MLLT3: variants seen among roughly 807,000 people sequenced by gnomAD.
The protein encoded by MLLT3 is MLLT3 super elongation complex subunit, also known as protein AF-9.
Under a neutral mutation model 53.2 loss-of-function variants are expected in MLLT3, and 4 were observed. That is an observed-to-expected ratio of 0.08 (90% CI 0.04 to 0.17). The LOEUF (loss-of-function observed/expected upper bound fraction) is 0.17. MLLT3 is among the 10% of genes least tolerant of loss of function. MLLT3 has a pLI of 1.00. For missense variants in MLLT3, 569 were observed against 684.0 expected (o/e 0.83, Z 1.87); for synonymous variants, 283 against 230.6 (o/e 1.23, Z -2.06).
chr9:20,476,481 G>C (rs1028700661), intron 2 of MLLT3, among the ~76,000 whole-genome samples: 1 of 152,040 alleles, frequency 6.6e-6, no homozygotes, highest in Non-Finnish European at 1.5e-5. Flanking sequence ...AGTTATATCA[G>C]TCACTTGTAA....
intron 2 of MLLT3, among the ~76,000 whole-genome samples, chr9:20,505,673 GA>G (rs1338949876): frequency 6.6e-6 from 1 of 152,154 alleles, no homozygotes; most frequent in Non-Finnish European, 1.5e-5. Flanking sequence ...GAAGATGTCT[GA>G]AAGGACTATC....
At chr9:20,487,715 ATG>A (rs1824849448) in intron 2 of MLLT3, among the ~76,000 whole-genome samples, 1 of 152,304 alleles carries the variant, frequency 6.6e-6, no homozygotes, top group African/African-American at 2.4e-5. Flanking sequence ...ACCTTGTGGT[ATG>A]TGAGACATAT....
intron 5 of MLLT3, among the ~76,000 whole-genome samples, chr9:20,391,745 A>T (rs1822186158): frequency 6.6e-6 from 1 of 152,204 alleles, no homozygotes; most frequent in Non-Finnish European, 1.5e-5. Flanking sequence ...CAGGTTTTAA[A>T]AATACACAAT....
At chr9:20,593,836 T>C (rs1820185839) in intron 2 of MLLT3, among the ~76,000 whole-genome samples, 1 of 152,216 alleles carries the variant, frequency 6.6e-6, no homozygotes, top group Non-Finnish European at 1.5e-5. Flanking sequence ...AGCCTTCTTA[T>C]TATTTTACTT....
At chr9:20,437,595 C>G (rs1823437939) in intron 4 of MLLT3, among the ~76,000 whole-genome samples, 1 of 152,042 alleles carries the variant, frequency 6.6e-6, no homozygotes, top group South Asian at 2.1e-4. Flanking sequence ...AGAAAAAATA[C>G]AAAGGGGACG....
rs1820955204 is a variant in MLLT3, at chr9:20,620,132, C to CAT, written c.193+520_193+521dup. Among the ~76,000 whole-genome samples, 1 of 152,074 alleles carries CAT rather than the reference C, an allele frequency of 6.6e-6. No homozygotes were observed. Among genetic ancestry groups the CAT allele is most frequent in the African/African-American group, 2.4e-5 (1 of 41,384 alleles). On this transcript the variant is annotated intron_variant, in intron 2 of 10. Transcript: ENST00000380338. This position sits in a 1 kb window ranked among gnomAD's most constrained non-coding sequence, Gnocchi z 6.1. ...CTATGGCAACTGGCACCTGGTGCCT[C>CAT]ATACACAGACAGGAAAGCACAGAAG... is the stretch of plus-strand genomic sequence containing the variant.
intron 2 of MLLT3, among the ~76,000 whole-genome samples, chr9:20,484,425 A>G (rs1824753340): frequency 6.6e-6 from 1 of 152,160 alleles, no homozygotes; most frequent in Admixed American, 6.5e-5. Context: ...GGAGGAAGCT[A>G]TCTATCGCCT....
At chr9:20,472,169 A>C (rs1447912495) in intron 2 of MLLT3, among the ~76,000 whole-genome samples, 1 of 152,062 alleles carries the variant, frequency 6.6e-6, no homozygotes, top group Non-Finnish European at 1.5e-5. Flanking sequence ...GTTAAAACCC[A>C]GATATTATTT....
chr9:20,414,573 A>C, intron 4 of MLLT3, 148 bp from the exon 5 acceptor site: 3 of 1,140,172 alleles, frequency 2.6e-6, no homozygotes, highest in South Asian at 3.1e-5. Flanking sequence ...AAAAACCACA[A>C]TATAACAGGT....
chr9:20,376,767 G>C (rs1029248297), intron 5 of MLLT3, among the ~76,000 whole-genome samples: 5 of 152,056 alleles, frequency 3.3e-5, no homozygotes, highest in Non-Finnish European at 7.4e-5. Context: ...TACTTTAAAG[G>C]CTGCTACGAT....
At chr9:20,458,341 G>A (rs976813397) in intron 2 of MLLT3, among the ~76,000 whole-genome samples, 1 of 152,156 alleles carries the variant, frequency 6.6e-6, no homozygotes, top group Admixed American at 6.6e-5. Flanking sequence ...CAAGGGCTCA[G>A]GCGACAGCAG....
intron 2 of MLLT3, among the ~76,000 whole-genome samples, chr9:20,514,062 G>A (rs1353983069): frequency 6.6e-6 from 1 of 152,118 alleles, no homozygotes; most frequent in East Asian, 1.9e-4. Flanking sequence ...TCTCCCCTAG[G>A]GAGTAAGGGG....
In MLLT3 at chr9:20,520,272, A is replaced by G. The variant is rs140928756; in HGVS notation, c.194-63486T>C. Among the ~76,000 whole-genome samples, 1,218 of 152,258 alleles carry G rather than the reference A, an allele frequency of 8.0e-3. 10 individuals carry two copies. The highest frequency in any genetic ancestry group is 0.037 in the Middle Eastern group (11 of 294). On this transcript the variant is annotated intron_variant, in intron 2 of 10. Coordinates refer to ENST00000380338, the MANE Select transcript of MLLT3 (RefSeq NM_004529.4). ...GTACTAGGCTTATACCTGGGTGATG[A>G]AATAATCTGTACAACAAACCTCTAT...
chr9:20,583,450 T>A (rs1440414773), intron 2 of MLLT3, among the ~76,000 whole-genome samples: 1 of 152,162 alleles, frequency 6.6e-6, no homozygotes, highest in Admixed American at 6.5e-5. Context: ...CAGTAGGGAC[T>A]CTGTGTGGGG....
At chr9:20,514,224 C>T (rs1450419643) in intron 2 of MLLT3, among the ~76,000 whole-genome samples, 2 of 152,130 alleles carry the variant, frequency 1.3e-5, no homozygotes, top group Non-Finnish European at 2.9e-5. Flanking sequence ...GCTAAGGAAA[C>T]AGTGGGTTCA....
At chr9:20,407,417 C>T (rs1003962295) in intron 5 of MLLT3, among the ~76,000 whole-genome samples, 2 of 152,182 alleles carry the variant, frequency 1.3e-5, no homozygotes, top group Non-Finnish European at 2.9e-5. Flanking sequence ...CAGCTCTTCC[C>T]TCAATCCTGG....
chr9:20,507,689 A>G (rs1352291283), intron 2 of MLLT3, among the ~76,000 whole-genome samples: 1 of 151,002 alleles, frequency 6.6e-6, no homozygotes, highest in Non-Finnish European at 1.5e-5. Context: ...GAGCAGCAAT[A>G]TTAGAAGAAA....
chr9:20,490,998 G>A (rs1257370897), intron 2 of MLLT3, among the ~76,000 whole-genome samples: 1 of 152,036 alleles, frequency 6.6e-6, no homozygotes, highest in Non-Finnish European at 1.5e-5. Flanking sequence ...ACTCAACAGG[G>A]AAATACTTTC....
chr9:20,538,620 T>C (rs1160606050), intron 2 of MLLT3, among the ~76,000 whole-genome samples: 4 of 152,154 alleles, frequency 2.6e-5, no homozygotes, highest in African/African-American at 9.7e-5. Flanking sequence ...GGAAATTCCC[T>C]TACACTTCCC....
Sources: allele counts gnomAD v4.1 joint callset (sites outside exome capture counted in the v4.1 genomes callset), GRCh38; gene constraint gnomAD v4.1.1; non-coding constraint Gnocchi (gnomAD v3.1); transcripts MANE v1.5; gene names NCBI Gene and HGNC (gene_info 2026-07-23, HGNC 2026-07-21).